Variants in PLCH1 observed in about 807,000 individuals in gnomAD.
The protein encoded by PLCH1 is 1-phosphatidylinositol 4,5-bisphosphate phosphodiesterase eta-1.
PLCH1 carries 60 observed loss-of-function variants against 126.7 expected under a neutral mutation model. The observed-to-expected ratio is 0.47, with a 90% CI of 0.38 to 0.59. The LOEUF (loss-of-function observed/expected upper bound fraction) is 0.59. PLCH1 is among the 20% of genes least tolerant of loss of function. PLCH1 has a pLI of 0.00. For synonymous variants in PLCH1, 719 were observed against 734.9 expected, an observed-to-expected ratio of 0.98 and a Z score of 0.35; for missense variants, 1,723 against 2,040.0, an observed-to-expected ratio of 0.84 and a Z score of 2.99.
intron 2 of PLCH1, among the ~76,000 whole-genome samples, chr3:155,646,921 T>C (rs1324926582): frequency 6.6e-6 from 1 of 152,210 alleles, no homozygotes; most frequent in Non-Finnish European, 1.5e-5. Context: ...TTAAAATATA[T>C]TCACAAATTC....
chr3:155,463,531 TC>T (rs1712808199), intron 21 of PLCH1, among the ~76,000 whole-genome samples: 1 of 152,174 alleles, frequency 6.6e-6, no homozygotes, highest in African/African-American at 2.4e-5. Context: ...CTCAGCTACT[TC>T]TTATCCCTCA....
intron 2 of PLCH1, among the ~76,000 whole-genome samples, chr3:155,675,326 G>A (rs1042048289): frequency 3.3e-5 from 5 of 152,114 alleles, no homozygotes; most frequent in Non-Finnish European, 5.9e-5. Context: ...TGTCTGACCA[G>A]GAAGGAATAA....
intron 3 of PLCH1, among the ~76,000 whole-genome samples, chr3:155,595,346 T>G (rs1410119073): frequency 6.6e-6 from 1 of 152,236 alleles, no homozygotes; most frequent in Non-Finnish European, 1.5e-5. Context: ...CAGAAGTTTG[T>G]ATATCCTATT....
chr3:155,664,791 CTTTAAAA>C (rs1742549776), intron 2 of PLCH1, among the ~76,000 whole-genome samples: 1 of 152,100 alleles, frequency 6.6e-6, no homozygotes, highest in Admixed American at 6.5e-5. Flanking sequence ...CATACCAACC[CTTTAAAA>C]TAGGTAGGTC....
intron 2 of PLCH1, among the ~76,000 whole-genome samples, chr3:155,675,297 C>CT (rs1743981640): frequency 6.6e-6 from 1 of 152,182 alleles, no homozygotes; most frequent in Non-Finnish European, 1.5e-5. Context: ...GAAGACATTT[C>CT]TTGACATGTC....
intron 2 of PLCH1, among the ~76,000 whole-genome samples, chr3:155,692,986 G>T (rs1745516582): frequency 6.6e-6 from 1 of 151,892 alleles, no homozygotes; most frequent in African/African-American, 2.4e-5. Context: ...GTTTCACCGT[G>T]TTAACCAGGA....
chr3:155,622,676 A>C (rs1042658159), intron 2 of PLCH1, among the ~76,000 whole-genome samples: 1 of 151,958 alleles, frequency 6.6e-6, no homozygotes, highest in Non-Finnish European at 1.5e-5. Flanking sequence ...AGGGCATTAC[A>C]TAATGGTAAA....
downstream of PLCH1, among the ~76,000 whole-genome samples, chr3:155,475,387 C>A (rs1319715923): frequency 6.6e-6 from 1 of 151,794 alleles, no homozygotes; most frequent in Non-Finnish European, 1.5e-5. Flanking sequence ...TTCAAATAAA[C>A]AATCTAACAA....
chr3:155,489,585 T>C (rs1015791286), intron 19 of PLCH1, among the ~76,000 whole-genome samples: 22 of 152,196 alleles, frequency 1.4e-4, no homozygotes, highest in South Asian at 2.1e-4. Context: ...TGATTCCCAG[T>C]AGCTTCTCAC....
intron 2 of PLCH1, among the ~76,000 whole-genome samples, chr3:155,629,331 G>A (rs1737749461): frequency 6.6e-6 from 1 of 152,088 alleles, no homozygotes; most frequent in Non-Finnish European, 1.5e-5. Context: ...TAAGCAATGT[G>A]GCCTAATCCC....
rs759389712 is a variant in PLCH1 at position 155,596,272 on chromosome 3, G to C, written c.186C>G (p.Arg62=). Residue 62 remains arginine (R), a synonymous_variant, in exon 3 of 23, where the codon CGC becomes CGG. Coordinates refer to ENST00000460012, the MANE Select transcript of PLCH1 (RefSeq NM_014996.4). ...RLFYLDEHRT[R]LRWRPSRKSE... is the part of the protein sequence containing the mutation. The stretch of plus-strand genomic sequence containing the variant: ...TCTTCCTAGAGGGTCGCCATCGGAG[G>C]CGTGTCCGGTGCTCATCCAGGTAAA... 6 of 1,613,244 alleles carry C rather than the reference G, an allele frequency of 3.7e-6. No individual in the cohort carries two copies. In the African/African-American group the frequency reaches 8.0e-5, roughly 22 times the overall value.
intron 15 of PLCH1, among the ~76,000 whole-genome samples, chr3:155,496,511 T>G (rs2108109338): frequency 6.7e-6 from 1 of 149,638 alleles, no homozygotes. Flanking sequence ...ATTTGTGGAG[T>G]GGGGGCTGGG....
rs150985843 is a variant in PLCH1 at position 155,541,249 on chromosome 3, G to C, written c.1362+8538C>G. ...GGGACTCGGGTGAAAGAGTGGGAGG[G>C]GGCAAGGGATAAAAGACTGCTCACT... On this transcript the variant is annotated intron_variant, in intron 10 of 22. Transcript: ENST00000460012. Among the ~76,000 whole-genome samples, 101 of 152,154 alleles carry C rather than the reference G, an allele frequency of 6.6e-4. 2 individuals carry two copies. In the East Asian group the frequency reaches 0.017, roughly 26 times the overall value.
At chr3:155,661,811 G>A (rs1181316588) in intron 2 of PLCH1, among the ~76,000 whole-genome samples, 1 of 152,158 alleles carries the variant, frequency 6.6e-6, no homozygotes, top group Non-Finnish European at 1.5e-5. Context: ...CTGTTCATTT[G>A]GTAATTTCCA....
intron 3 of PLCH1, among the ~76,000 whole-genome samples, chr3:155,595,816 T>C (rs1246781770): frequency 6.6e-6 from 1 of 152,152 alleles, no homozygotes; most frequent in Non-Finnish European, 1.5e-5. Context: ...CACATCAAAA[T>C]GACTTTACTT....
In PLCH1 at chr3:155,725,597, G is replaced by A. The variant is rs571309346; in HGVS notation, c.-41+19243C>T. Among the ~76,000 whole-genome samples the A allele has an allele frequency of 2.8e-4, 42 of 152,002 alleles. 1 individual carries two copies. The South Asian group carries it at 2.9e-3, about 11-fold the overall frequency. On this transcript the variant is annotated intron_variant, in intron 1 of 22. Transcript: ENST00000460012. ...AGAGTAGCTGGGATTACAGATGCAT[G>A]CCCGGCTAATTTTTGTATTTTTAGT... is the stretch of plus-strand genomic sequence containing the variant.
At chr3:155,733,517 A>G (rs1390013049) in intron 1 of PLCH1, among the ~76,000 whole-genome samples, 1 of 152,240 alleles carries the variant, frequency 6.6e-6, no homozygotes, top group African/African-American at 2.4e-5. Context: ...GGATATCCAC[A>G]TGCAGAAGAA....
Position 155,481,207 on chromosome 3 carries a change from G to C in PLCH1, c.4819C>G (p.Leu1607Val). ...PNPSNGAGVV[L>V]RNKPSAPTPA... is the part of the protein sequence containing the mutation. ...GTGGGTGCTGAGGGTTTGTTTCTAA[G>C]AACCACTCCTGCCCCATTGCTGGGG... Residue 1607 changes from leucine (L) to valine (V), a missense_variant, in exon 23 of 23, where the codon CTT (leucine) becomes GTT (valine). Coordinates refer to ENST00000460012, the MANE Select transcript of PLCH1 (RefSeq NM_014996.4). This position sits in a 1 kb window ranked among gnomAD's most constrained non-coding sequence, Gnocchi z 4.2. 6.2e-7 allele frequency: 1 copy of C among 1,614,222 alleles called. No individual in the cohort carries two copies. The highest frequency in any genetic ancestry group is 8.5e-7 in the Non-Finnish European group (1 of 1,180,036).
intron 8 of PLCH1, among the ~76,000 whole-genome samples, chr3:155,554,912 A>C (rs573891936): frequency 9.2e-5 from 14 of 152,350 alleles, no homozygotes; most frequent in Admixed American, 5.2e-4. Flanking sequence ...TATTGATACT[A>C]TTAATATTGC....
Sources: gnomAD v4.1 joint callset for allele counts (sites outside exome capture counted in the v4.1 genomes callset) on GRCh38, gnomAD v4.1.1 for gene constraint, Gnocchi (gnomAD v3.1) non-coding constraint, MANE v1.5 for transcripts, NCBI Gene and HGNC (gene_info 2026-07-23, HGNC 2026-07-21) for gene names.